Variants in TSHZ3 observed in about 807,000 individuals in gnomAD.
TSHZ3 encodes teashirt homolog 3.
TSHZ3 carries 10 observed loss-of-function variants against 64.5 expected under a neutral mutation model. The ratio of observed to expected loss-of-function variants is 0.16; its 90% CI spans 0.10 to 0.26. The LOEUF (loss-of-function observed/expected upper bound fraction) is 0.26, where lower values mean the gene tolerates loss of function less well. Ranked by LOEUF, TSHZ3 falls within the 10% of genes least tolerant of loss-of-function variation. The pLI is 1.00. For missense variants in TSHZ3, 1,242 were observed against 1,421.7 expected (o/e 0.87, Z 2.03); for synonymous variants, 608 against 593.1 (o/e 1.03, Z -0.36).
At chr19:31,228,673 T>G (rs1003107552) in intron 3 of TSHZ3, among the ~76,000 whole-genome samples, 3 of 152,198 alleles carry the variant, frequency 2.0e-5, no homozygotes, top group Non-Finnish European at 4.4e-5. Flanking sequence ...ATTTGAACAC[T>G]GAAGGTTACT....
At chr19:31,274,666 C>T (rs1022619566), downstream of TSHZ3, among the ~76,000 whole-genome samples, 4 of 152,030 alleles carry the variant, frequency 2.6e-5, no homozygotes, top group Non-Finnish European at 4.4e-5. Context: ...GGCAATATCC[C>T]TTCTGCACTG....
intron 1 of TSHZ3, among the ~76,000 whole-genome samples, chr19:31,243,271 A>G (rs8109092): frequency 0.018 from 2,727 of 152,196 alleles, 88 homozygotes; most frequent in African/African-American, 0.063. Context: ...AAGAACTACA[A>G]CCCCAAATTC....
rs373274901 is a variant in TSHZ3 at position 31,313,422 on chromosome 19, C to A, written c.41-33670G>T. Among the ~76,000 whole-genome samples the A allele has an allele frequency of 1.5e-3, 235 of 152,302 alleles. 2 individuals carry two copies. The South Asian group carries it at 0.033, about 21-fold the overall frequency. On this transcript the variant is annotated intron_variant, in intron 1 of 1. Coordinates refer to ENST00000240587, the MANE Select transcript of TSHZ3 (RefSeq NM_020856.4). ...CTGGCTGCTGACCGGGAGCTGGAAG[C>A]CAAGTGTGCACCGCTGGAGGGCAGC...
At position 31,276,991 on chromosome 19, in the gene TSHZ3, A is replaced by G; in HGVS notation, c.2802T>C (p.His934=). 2 of 1,613,278 alleles carry G rather than the reference A, an allele frequency of 1.2e-6. No homozygotes were observed. The highest frequency in any genetic ancestry group is 1.7e-6 in the Non-Finnish European group (2 of 1,179,352). ...TGGACAGCCCGGTGAACCTGGAGAT[A>G]TGCATCCGCTCCTGGGGGCTCAGGT... is the stretch of plus-strand genomic sequence containing the variant. ...MSDLSPQERM[H]ISRFTGLSMT... The change falls in exon 2 of 2, where the codon CAT becomes CAC. Residue 934 remains histidine (H), a synonymous_variant. Transcript: ENST00000240587.
Position 31,155,711 on chromosome 19 carries a change from G to A in TSHZ3, n.871+645C>T, listed in dbSNP as rs143748786. On this transcript the variant is annotated intron_variant and non_coding_transcript_variant, in intron 6 of 6. Coordinates refer to the TSHZ3 transcript ENST00000651361. The stretch of plus-strand genomic sequence containing the variant: ...GACACACACCCAAGTTCTCGCCTTC[G>A]TCTGCCCCTGATAATTTGACTTCTA... Among the ~76,000 whole-genome samples, 500 of 152,174 alleles carry A rather than the reference G, an allele frequency of 3.3e-3. 2 individuals are homozygous for A. The highest frequency in any genetic ancestry group is 5.4e-3 in the Non-Finnish European group (367 of 68,026).
chr19:31,185,140 C>T (rs897865402), intron 5 of TSHZ3, among the ~76,000 whole-genome samples: 12 of 151,638 alleles, frequency 7.9e-5, no homozygotes, highest in Admixed American at 7.9e-4. Flanking sequence ...AAATGCAGAG[C>T]GAGGAAAGCT....
At chr19:31,206,610 A>G (rs1263967203) in intron 4 of TSHZ3, among the ~76,000 whole-genome samples, 5 of 152,206 alleles carry the variant, frequency 3.3e-5, no homozygotes, top group Non-Finnish European at 7.3e-5. Flanking sequence ...CACGATAAAT[A>G]CTTAAACTGC....
chr19:31,165,009 C>G (rs150858707), intron 5 of TSHZ3, among the ~76,000 whole-genome samples: 3 of 152,214 alleles, frequency 2.0e-5, no homozygotes, highest in Non-Finnish European at 4.4e-5. Context: ...CTGCCGAGCC[C>G]GTCCCGGGGA....
At chr19:31,323,058 T>C (rs1176430092) in intron 1 of TSHZ3, among the ~76,000 whole-genome samples, 3 of 152,224 alleles carry the variant, frequency 2.0e-5, no homozygotes, top group Non-Finnish European at 2.9e-5. Flanking sequence ...TGGGTTGGTA[T>C]TGTATTTGGC....
rs576602994 is a variant in TSHZ3 at position 31,264,399 on chromosome 19, T to C, written n.64-21524A>G. Among the ~76,000 whole-genome samples, 186 of 152,338 alleles carry C rather than the reference T, an allele frequency of 1.2e-3. 1 individual carries two copies. The highest frequency in any genetic ancestry group is 4.3e-3 in the African/African-American group (180 of 41,568). On this transcript the variant is annotated intron_variant and non_coding_transcript_variant, in intron 1 of 6. Coordinates refer to the TSHZ3 transcript ENST00000651361. ...ATGCATTGGGAATTAGCTTCCTTTT[T>C]TTCCCCATCTGCCTCCTCCTCCCTC... is the stretch of plus-strand genomic sequence containing the variant.
chr19:31,178,636 G>A (rs372530613), intron 5 of TSHZ3, among the ~76,000 whole-genome samples: 13 of 152,280 alleles, frequency 8.5e-5, no homozygotes, highest in South Asian at 2.1e-4. Context: ...CCAAGATCGC[G>A]CCATTGCACT....
intron 1 of TSHZ3, among the ~76,000 whole-genome samples, chr19:31,268,073 A>G (rs1433538739): frequency 1.3e-5 from 2 of 152,090 alleles, no homozygotes; most frequent in African/African-American, 2.4e-5. Context: ...GTGATAGTGA[A>G]TAAGTCTCAC....
upstream of TSHZ3, chr19:31,349,607 C>T (rs1454358655): frequency 5.9e-6 from 1 of 170,904 alleles, no homozygotes; most frequent in Non-Finnish European, 1.2e-5. Flanking sequence ...GCGGCCCTGC[C>T]CCCCCCCGCC....
At chr19:31,189,203 C>A (rs1423960329) in intron 5 of TSHZ3, among the ~76,000 whole-genome samples, 1 of 151,804 alleles carries the variant, frequency 6.6e-6, no homozygotes, top group East Asian at 1.9e-4. Flanking sequence ...TTTTCTTAAT[C>A]TTTTAAAGCA....
At chr19:31,188,653 T>C (rs1974851575) in intron 5 of TSHZ3, among the ~76,000 whole-genome samples, 2 of 152,034 alleles carry the variant, frequency 1.3e-5, no homozygotes. Context: ...TGATGTTCCA[T>C]TAATAATCCA....
chr19:31,188,815 G>T (rs1166944997), intron 5 of TSHZ3, among the ~76,000 whole-genome samples: 2 of 151,856 alleles, frequency 1.3e-5, no homozygotes, highest in Non-Finnish European at 2.9e-5. Flanking sequence ...CAAAACAGGG[G>T]TGATGTGTTC....
intron 1 of TSHZ3, among the ~76,000 whole-genome samples, chr19:31,286,190 T>C (rs1976460749): frequency 6.6e-6 from 1 of 152,194 alleles, no homozygotes; most frequent in Admixed American, 6.5e-5. Context: ...GCCATCGATC[T>C]CTCAAGAGCT....
intron 1 of TSHZ3, among the ~76,000 whole-genome samples, chr19:31,341,034 A>G (rs1236107738): frequency 6.6e-6 from 1 of 152,188 alleles, no homozygotes; most frequent in Non-Finnish European, 1.5e-5. Flanking sequence ...TCTGTGTGCA[A>G]TCCCTTACTG....
intron 5 of TSHZ3, among the ~76,000 whole-genome samples, chr19:31,194,449 C>G (rs1974956516): frequency 6.6e-6 from 1 of 152,148 alleles, no homozygotes; most frequent in South Asian, 2.1e-4. Context: ...AAGGAAATAC[C>G]CAACTCCACA....
Sources: allele counts gnomAD v4.1 joint callset (sites outside exome capture counted in the v4.1 genomes callset), GRCh38; gene constraint gnomAD v4.1.1; transcripts MANE v1.5; gene names NCBI Gene and HGNC (gene_info 2026-07-23, HGNC 2026-07-21).